SGCZ: variants seen among roughly 807,000 people sequenced by gnomAD.
The protein encoded by SGCZ is zeta-sarcoglycan.
In SGCZ, 40 loss-of-function variants were observed where a neutral mutation model predicts 41.3. The observed-to-expected ratio is 0.97, with a 90% confidence interval of 0.75 to 1.26. The LOEUF is 1.26. Among genes scored for constraint, SGCZ ranks in the 50% most tolerant of loss-of-function variants. The pLI is 0.00. For missense variants in SGCZ, 552 were observed against 369.8 expected (o/e 1.49, Z -4.04); for synonymous variants, 206 against 137.5 (o/e 1.50, Z -3.49).
intron 1 of SGCZ, among the ~76,000 whole-genome samples, chr8:14,635,890 T>G (rs892632973): frequency 2.0e-5 from 3 of 151,826 alleles, no homozygotes. Context: ...ACTTGGGGCG[T>G]TATTTAAGAA....
chr8:14,923,441 G>C (rs1025214896), intron 1 of SGCZ, among the ~76,000 whole-genome samples: 3 of 152,146 alleles, frequency 2.0e-5, no homozygotes, highest in African/African-American at 7.2e-5. Context: ...TGTAGAGATG[G>C]TATCAGTTAA....
chr8:15,055,466 T>C (rs1804671269), intron 1 of SGCZ, among the ~76,000 whole-genome samples: 1 of 152,294 alleles, frequency 6.6e-6, no homozygotes, highest in Middle Eastern at 3.4e-3. Flanking sequence ...AATGCATGAC[T>C]ATGTACGAAT....
chr8:14,690,221 A>G (rs6985928), intron 1 of SGCZ, among the ~76,000 whole-genome samples: 4,015 of 151,486 alleles, frequency 0.027, 198 homozygotes, highest in African/African-American at 0.092. Flanking sequence ...GGTTATGCCT[A>G]TTACGGTCTG....
intron 5 of SGCZ, among the ~76,000 whole-genome samples, chr8:14,128,213 A>G (rs1197940293): frequency 3.3e-5 from 5 of 152,228 alleles, no homozygotes; most frequent in African/African-American, 1.2e-4. Flanking sequence ...CAAATGACAT[A>G]AACAGGCATT....
chr8:14,458,325 T>G (rs894429796), intron 2 of SGCZ, among the ~76,000 whole-genome samples: 1 of 152,194 alleles, frequency 6.6e-6, no homozygotes, highest in Non-Finnish European at 1.5e-5. Flanking sequence ...AGCAGTACTT[T>G]TTACTGGATA....
chr8:15,053,720 G>A lies in SGCZ; in HGVS notation c.39+183865C>T, dbSNP rs551112628. ...TATGAGATAAATGCTCTTAACAGATGCTGTGCTGACACATAGGTTTCTCTT... is the reference window on the plus strand; with the variant it reads ...TATGAGATAAATGCTCTTAACAGATACTGTGCTGACACATAGGTTTCTCTT... On this transcript the variant is annotated intron_variant, in intron 1 of 7. Coordinates refer to ENST00000382080, the MANE Select transcript of SGCZ (RefSeq NM_139167.4). Among the ~76,000 whole-genome samples, 24 of 152,266 alleles carry A rather than the reference G, an allele frequency of 1.6e-4. No homozygotes were observed. In the East Asian group the frequency reaches 4.6e-3, roughly 29 times the overall value.
intron 4 of SGCZ, among the ~76,000 whole-genome samples, chr8:14,225,110 G>T (rs1806327762): frequency 6.6e-6 from 1 of 152,078 alleles, no homozygotes; most frequent in Non-Finnish European, 1.5e-5. Context: ...TATGTAGTTT[G>T]TACTAGTTTT....
intron 2 of SGCZ, among the ~76,000 whole-genome samples, chr8:14,526,376 C>T (rs1802950621): frequency 6.6e-6 from 1 of 152,032 alleles, no homozygotes; most frequent in Non-Finnish European, 1.5e-5. Context: ...ACAGCCGTCC[C>T]AAAGATTAGA....
chr8:15,163,266 A>G (rs1304424167), intron 1 of SGCZ, among the ~76,000 whole-genome samples: 1 of 152,228 alleles, frequency 6.6e-6, no homozygotes, highest in Non-Finnish European at 1.5e-5. Context: ...TTGAATCCAC[A>G]CAACGTCTTA....
intron 5 of SGCZ, among the ~76,000 whole-genome samples, chr8:14,160,467 G>C (rs1473440318): frequency 6.6e-6 from 1 of 152,066 alleles, no homozygotes; most frequent in East Asian, 1.9e-4. Context: ...GCCAATAGTA[G>C]GGAATACAAA....
chr8:14,467,027 T>C (rs1801070540), intron 2 of SGCZ, among the ~76,000 whole-genome samples: 1 of 151,858 alleles, frequency 6.6e-6, no homozygotes, highest in South Asian at 2.1e-4. Flanking sequence ...TAGATTCTCC[T>C]CACTTCCTCG....
At position 14,348,544 on chromosome 8, in the gene SGCZ, C is replaced by A. The variant is rs544330564; in HGVS notation, c.235-24340G>T. ...AAATGGTTTTGAATATAAATTATAT[C>A]TTGTTCATCAATGTATCCATAGTGC... is the stretch of plus-strand genomic sequence containing the variant. On this transcript the variant is annotated intron_variant, in intron 2 of 7. Transcript: ENST00000382080. Among the ~76,000 whole-genome samples the A allele has an allele frequency of 1.5e-3, 235 of 152,234 alleles. 1 individual carries two copies. The highest frequency in any genetic ancestry group is 5.3e-3 in the African/African-American group (222 of 41,542).
intron 5 of SGCZ, among the ~76,000 whole-genome samples, chr8:14,116,495 G>A (rs1261095128): frequency 3.3e-5 from 5 of 151,998 alleles, no homozygotes; most frequent in South Asian, 2.1e-4. Context: ...TAATAACCAG[G>A]TTTTACAAAA....
chr8:14,154,202 G>C (rs1809341), intron 5 of SGCZ, among the ~76,000 whole-genome samples: 149,293 of 152,058 alleles, frequency 0.98, 73,339 homozygotes, highest in East Asian at 1. Context: ...AACCCTGTCT[G>C]CACTAAAAAT....
intron 1 of SGCZ, among the ~76,000 whole-genome samples, chr8:14,677,841 C>T (rs1808323693): frequency 6.6e-6 from 1 of 151,938 alleles, no homozygotes; most frequent in Admixed American, 6.6e-5. Flanking sequence ...CCTAGAACAG[C>T]TAAAATAACA....
chr8:14,879,510 C>G (rs565691152), intron 1 of SGCZ, among the ~76,000 whole-genome samples: 2 of 151,530 alleles, frequency 1.3e-5, no homozygotes, highest in Non-Finnish European at 2.9e-5. Context: ...CTGATTCAGC[C>G]CATTGTTTTG....
chr8:15,013,963 A>T (rs1802927028), intron 1 of SGCZ, among the ~76,000 whole-genome samples: 1 of 152,180 alleles, frequency 6.6e-6, no homozygotes, highest in Admixed American at 6.5e-5. Context: ...TCAAGATGGG[A>T]TAAACGGAAG....
At chr8:14,137,230 A>G (rs912683498) in intron 5 of SGCZ, among the ~76,000 whole-genome samples, 2 of 152,254 alleles carry the variant, frequency 1.3e-5, no homozygotes, top group Non-Finnish European at 2.9e-5. Flanking sequence ...GAGAAACCAG[A>G]GCAGAAAAGC....
intron 1 of SGCZ, among the ~76,000 whole-genome samples, chr8:14,791,436 T>A (rs1043241533): frequency 2.0e-5 from 3 of 151,914 alleles, no homozygotes; most frequent in Admixed American, 1.3e-4. Flanking sequence ...GCTGAACAAA[T>A]CTAGCTCACA....
Sources: allele counts gnomAD v4.1 joint callset (sites outside exome capture counted in the v4.1 genomes callset), GRCh38; gene constraint gnomAD v4.1.1; transcripts MANE v1.5; gene names NCBI Gene and HGNC (gene_info 2026-07-23, HGNC 2026-07-21).